PPARGC1B: variants seen among roughly 807,000 people sequenced by gnomAD.
PPARGC1B encodes the protein peroxisome proliferator-activated receptor gamma coactivator 1-beta.
Under a neutral mutation model 101.6 loss-of-function variants are expected in PPARGC1B, and 34 were observed. The observed-to-expected ratio is 0.33, with a 90% confidence interval of 0.25 to 0.45. The LOEUF is 0.45. PPARGC1B is among the 20% of genes least tolerant of loss of function. The pLI, the probability that PPARGC1B is intolerant of heterozygous loss-of-function variation, is 1.00. For synonymous variants in PPARGC1B, 548 were observed against 539.3 expected (o/e 1.02, Z -0.22); for missense variants, 1,234 against 1,317.6 (o/e 0.94, Z 0.98).
intron 1 of PPARGC1B, among the ~76,000 whole-genome samples, chr5:149,818,507 G>A (rs1212665098): frequency 1.3e-5 from 2 of 152,144 alleles, no homozygotes; most frequent in African/African-American, 4.8e-5. Flanking sequence ...GCCTGTGTAG[G>A]CAGGATTCTT....
In PPARGC1B at chr5:149,847,642, T is replaced by C; in HGVS notation, c.*84T>C. 2 of 1,079,408 alleles carry C rather than the reference T, an allele frequency of 1.9e-6. No homozygotes were observed. Among genetic ancestry groups the C allele is most frequent in the Non-Finnish European group, 2.8e-6 (2 of 713,556 alleles). 66.9% of individuals were successfully genotyped at this position (1,079,408 alleles called of 1,614,324 possible). On this transcript the variant is annotated 3_prime_UTR_variant, in exon 12 of 12. Transcript: ENST00000309241. Reference sequence around the variant, plus strand: ...TTTACGTTTTCAAAGAAATCAAGTATATGAGGAGAGCGAGCGAGCGTGAGA... The same window carrying C: ...TTTACGTTTTCAAAGAAATCAAGTACATGAGGAGAGCGAGCGAGCGTGAGA...
chr5:149,795,767 G>A (rs1194055427), intron 1 of PPARGC1B, among the ~76,000 whole-genome samples: 1 of 150,992 alleles, frequency 6.6e-6, no homozygotes, highest in Non-Finnish European at 1.5e-5. Flanking sequence ...CATGTCTGCT[G>A]TTTGGGGATG....
At position 149,837,072 on chromosome 5, in the gene PPARGC1B, A is replaced by G. The variant is rs1759128535; in HGVS notation, c.2617A>G (p.Arg873Gly). ...SWSPATRRNF[R>G]CESRGPCSDR... ...GTCACCAGCCACTCGAAGGAACTTCAGGTATGAACAGGGGGCTGCAGGAGA... is the reference window on the plus strand; with the variant it reads ...GTCACCAGCCACTCGAAGGAACTTCGGGTATGAACAGGGGGCTGCAGGAGA... The change falls in exon 8 of 12, where the codon AGA becomes GGA. Residue 873 changes from arginine to glycine, a missense_variant and splice_region_variant. By Grantham distance (125) the Arg-to-Gly change is moderately radical. Transcript: ENST00000309241. The surrounding 1 kb of genome is among the most constrained non-coding windows in gnomAD (Gnocchi z 4.2). 6.2e-7 allele frequency: 1 copy of G among 1,609,474 alleles called. No homozygotes were observed. Among genetic ancestry groups the G allele is most frequent in the African/African-American group, 1.3e-5 (1 of 74,848 alleles).
chr5:149,774,304 G>C (rs1213988731), intron 1 of PPARGC1B, among the ~76,000 whole-genome samples: 1 of 152,186 alleles, frequency 6.6e-6, no homozygotes, highest in African/African-American at 2.4e-5. Context: ...TAGTGTTGCT[G>C]CTACTGACTG....
At chr5:149,794,502 A>C (rs1757133754) in intron 1 of PPARGC1B, among the ~76,000 whole-genome samples, 2 of 145,926 alleles carry the variant, frequency 1.4e-5, no homozygotes, top group African/African-American at 2.6e-5. Context: ...ACACACATGC[A>C]TACGCTCATG....
At chr5:149,734,890 G>T (rs544284290) in intron 1 of PPARGC1B, among the ~76,000 whole-genome samples, 2 of 152,302 alleles carry the variant, frequency 1.3e-5, no homozygotes, top group East Asian at 1.9e-4. Flanking sequence ...TTGTGGTTCT[G>T]TGTTTCTGAA....
At chr5:149,815,602 C>T (rs1390537727) in intron 1 of PPARGC1B, among the ~76,000 whole-genome samples, 2 of 152,160 alleles carry the variant, frequency 1.3e-5, no homozygotes, top group East Asian at 1.9e-4. Context: ...CTTGCTCTGT[C>T]GCCCAGGCTG....
intron 9 of PPARGC1B, among the ~76,000 whole-genome samples, chr5:149,841,389 T>G (rs1241957787): frequency 1.3e-5 from 2 of 152,180 alleles, no homozygotes; most frequent in Non-Finnish European, 2.9e-5. Context: ...TCGTATGTTG[T>G]GGGATGTACA....
At chr5:149,767,185 G>A (rs1755940440) in intron 1 of PPARGC1B, among the ~76,000 whole-genome samples, 2 of 152,332 alleles carry the variant, frequency 1.3e-5, no homozygotes, top group South Asian at 4.2e-4. Flanking sequence ...GGAGAGGAAG[G>A]TGTGGGTTGG....
Position 149,845,895 on chromosome 5 carries a change from G to C in PPARGC1B, c.2952G>C (p.Trp984Cys). 3 of 1,614,232 alleles carry C rather than the reference G, an allele frequency of 1.9e-6. No homozygotes were observed. Among genetic ancestry groups the C allele is most frequent in the Non-Finnish European group, 2.5e-6 (3 of 1,180,046 alleles). The change falls in exon 11 of 12, where the codon TGG (tryptophan) becomes TGC (cysteine). Residue 984 changes from tryptophan (W) to cysteine (C), a missense_variant. Transcript: ENST00000309241. Reference protein sequence around the residue: ...LSYGGLRHFCWPRYTDYDSNS... With the variant: ...LSYGGLRHFCCPRYTDYDSNS... ...ACGGAGGGCTCCGGCACTTCTGCTG[G>C]CCCAGATACACTGACTACGGTAAGC...
intron 10 of PPARGC1B, among the ~76,000 whole-genome samples, chr5:149,844,835 T>A (rs1206133854): frequency 6.6e-6 from 1 of 152,230 alleles, no homozygotes; most frequent in African/African-American, 2.4e-5. Flanking sequence ...TCGGGACTCT[T>A]TCTGTTGTTC....
chr5:149,837,128 G>A lies in PPARGC1B; in HGVS notation c.2618+55G>A, dbSNP rs945468259. The A allele has an allele frequency of 5.0e-5, 77 of 1,533,112 alleles. No homozygotes were observed. Among genetic ancestry groups the A allele is most frequent in the African/African-American group, 6.9e-5 (5 of 72,280 alleles). The allele number at this position is 1,533,112 out of a possible 1,614,324, so 95.0% of individuals were successfully genotyped here. On this transcript the variant is annotated intron_variant, in intron 8 of 11. Coordinates refer to ENST00000309241, the MANE Select transcript of PPARGC1B (RefSeq NM_133263.4). This position sits in a 1 kb window ranked among gnomAD's most constrained non-coding sequence, Gnocchi z 4.2. The stretch of plus-strand genomic sequence containing the variant: ...CGGGCAGTGGAGGATCCCAGTTCCC[G>A]GGGAGCCAGGAGCCCCAGGAGGGAG...
intron 1 of PPARGC1B, among the ~76,000 whole-genome samples, chr5:149,787,811 G>A (rs1756868420): frequency 6.6e-6 from 1 of 152,220 alleles, no homozygotes; most frequent in African/African-American, 2.4e-5. Context: ...AGTTTGGATA[G>A]AAGATTTTGT....
intron 1 of PPARGC1B, among the ~76,000 whole-genome samples, chr5:149,792,429 T>C (rs1415602026): frequency 6.6e-6 from 1 of 151,954 alleles, no homozygotes; most frequent in Non-Finnish European, 1.5e-5. Context: ...TTTCCAAGAG[T>C]GAATCATCTC....
intron 8 of PPARGC1B, among the ~76,000 whole-genome samples, chr5:149,838,575 C>T (rs1759206253): frequency 6.6e-6 from 1 of 152,214 alleles, no homozygotes; most frequent in African/African-American, 2.4e-5. Context: ...GAAATACATC[C>T]CCCAAGCTGG....
chr5:149,790,354 C>T (rs923307277), intron 1 of PPARGC1B, among the ~76,000 whole-genome samples: 1 of 152,064 alleles, frequency 6.6e-6, no homozygotes, highest in African/African-American at 2.4e-5. Context: ...CTGGTGGCTT[C>T]CCCTACAGAA....
At chr5:149,814,525 G>A (rs935731800) in intron 1 of PPARGC1B, among the ~76,000 whole-genome samples, 2 of 152,146 alleles carry the variant, frequency 1.3e-5, no homozygotes, top group African/African-American at 4.8e-5. Flanking sequence ...CGCATAGTGA[G>A]TACTGACAGA....
intron 1 of PPARGC1B, among the ~76,000 whole-genome samples, chr5:149,818,331 G>A (rs1758138484): frequency 6.6e-6 from 1 of 152,216 alleles, no homozygotes; most frequent in Admixed American, 6.5e-5. Context: ...CAGAGTGAGT[G>A]GGCTCTCAAT....
At chr5:149,789,643 C>T (rs904914700) in intron 1 of PPARGC1B, among the ~76,000 whole-genome samples, 7 of 152,146 alleles carry the variant, frequency 4.6e-5, no homozygotes, top group African/African-American at 1.7e-4. Context: ...TTACAGAAAA[C>T]GACACTTGAA....
Sources: gnomAD v4.1 joint callset for allele counts (sites outside exome capture counted in the v4.1 genomes callset) on GRCh38, gnomAD v4.1.1 for gene constraint, Gnocchi (gnomAD v3.1) non-coding constraint, MANE v1.5 for transcripts, NCBI Gene and HGNC (gene_info 2026-07-23, HGNC 2026-07-21) for gene names.